Variants in KMT5B observed in about 807,000 individuals in gnomAD.
KMT5B encodes lysine methyltransferase 5B.
KMT5B carries 10 observed loss-of-function variants against 83.2 expected under a neutral mutation model. The ratio of observed to expected loss-of-function variants is 0.12; its 90% CI spans 0.07 to 0.20. KMT5B has a LOEUF of 0.20. Among genes scored for constraint, KMT5B ranks in the 10% least tolerant of loss-of-function variants. The pLI is 1.00. For missense variants in KMT5B, 753 were observed against 1,067.2 expected, an observed-to-expected ratio of 0.71 and a Z score of 4.10; for synonymous variants, 349 against 388.8, an observed-to-expected ratio of 0.90 and a Z score of 1.20.
At chr11:68,211,260 T>C (rs1322831157) in intron 1 of KMT5B, among the ~76,000 whole-genome samples, 1 of 152,142 alleles carries the variant, frequency 6.6e-6, no homozygotes, top group Admixed American at 6.5e-5. Context: ...CACCTCCACC[T>C]TCCCCACTAC....
chr11:68,182,989 G>C (rs1464008591), intron 3 of KMT5B, among the ~76,000 whole-genome samples: 1 of 149,984 alleles, frequency 6.7e-6, no homozygotes, highest in Non-Finnish European at 1.5e-5. Flanking sequence ...GCCCACCTCA[G>C]CCTCCCAAAG....
rs1451605200 is a variant in KMT5B, at chr11:68,160,771, ACCCTG to A, written c.1175-1605_1175-1601del. Among the ~76,000 whole-genome samples the A allele has an allele frequency of 2.9e-4, 44 of 152,078 alleles. 1 individual carries two copies. Among genetic ancestry groups the A allele is most frequent in the Middle Eastern group, 3.2e-3 (1 of 316 alleles). On this transcript the variant is annotated intron_variant, in intron 10 of 10. Transcript: ENST00000304363. Reference sequence around the variant, plus strand: ...AGACCAACCTGGCCAATATGGTGAAACCCTGTCTCTACTAAAAATACAAAAATTAG... The same window carrying A: ...AGACCAACCTGGCCAATATGGTGAAATCTCTACTAAAAATACAAAAATTAG...
chr11:68,159,832 T>C (rs998957088), intron 10 of KMT5B, among the ~76,000 whole-genome samples: 5 of 152,242 alleles, frequency 3.3e-5, no homozygotes, highest in Non-Finnish European at 5.9e-5. Flanking sequence ...GCTGTCAACT[T>C]AGAAGAGCTG....
chr11:68,167,562 G>A (rs776958765), intron 9 of KMT5B, among the ~76,000 whole-genome samples: 3 of 150,568 alleles, frequency 2.0e-5, no homozygotes, highest in Non-Finnish European at 4.4e-5. Flanking sequence ...TCAAGAAGTC[G>A]TCCCACCTCA....
rs1368525252 is a variant in KMT5B, at chr11:68,156,102, C to T, written c.*1586G>A. Reference sequence around the variant, plus strand: ...ACAGTAAGCATTGAGATTTTCTCCACTGGACTTTTCATGACCTTCAGATTC... The same window carrying T: ...ACAGTAAGCATTGAGATTTTCTCCATTGGACTTTTCATGACCTTCAGATTC... On this transcript the variant is annotated 3_prime_UTR_variant, in exon 11 of 11. Transcript: ENST00000304363. The T allele has an allele frequency of 6.6e-6, 1 of 152,220 alleles. No individual in the cohort carries two copies. Among genetic ancestry groups the T allele is most frequent in the Non-Finnish European group, 1.5e-5 (1 of 68,042 alleles). The allele number at this position is 152,220 out of a possible 1,614,324, so 9.4% of individuals were successfully genotyped here. A position where few individuals can be genotyped will look rare whatever the true frequency, so the allele number is the denominator to read the frequency against.
chr11:68,173,407 A>G (rs1856037418), intron 6 of KMT5B, among the ~76,000 whole-genome samples: 1 of 152,170 alleles, frequency 6.6e-6, no homozygotes, highest in South Asian at 2.1e-4. Flanking sequence ...TGTATTTTTA[A>G]GCAACTAATG....
At chr11:68,203,523 A>G (rs1310949609) in intron 1 of KMT5B, among the ~76,000 whole-genome samples, 1 of 152,256 alleles carries the variant, frequency 6.6e-6, no homozygotes, top group Non-Finnish European at 1.5e-5. Context: ...TATGGTATCA[A>G]TCCCAGCGAT....
At chr11:68,212,691 G>A (rs1273294516) in intron 1 of KMT5B, 2 of 152,036 alleles carry the variant, frequency 1.3e-5, no homozygotes, top group African/African-American at 4.8e-5. Flanking sequence ...CGGGGAGGAG[G>A]GTGGGCTGCA....
chr11:68,170,380 G>T (rs925396022), intron 9 of KMT5B, among the ~76,000 whole-genome samples: 1 of 152,152 alleles, frequency 6.6e-6, no homozygotes, highest in Non-Finnish European at 1.5e-5. Flanking sequence ...TGTGTGGTCT[G>T]TACTGCCTTT....
At chr11:68,178,433 C>T (rs1174530569) in intron 4 of KMT5B, among the ~76,000 whole-genome samples, 1 of 152,180 alleles carries the variant, frequency 6.6e-6, no homozygotes, top group Admixed American at 6.5e-5. Context: ...CCTGTGTTGA[C>T]TTCTGTTTCT....
At chr11:68,183,021 C>T (rs1857094227) in intron 3 of KMT5B, among the ~76,000 whole-genome samples, 1 of 152,066 alleles carries the variant, frequency 6.6e-6, no homozygotes, top group South Asian at 2.1e-4. Context: ...CAGGCGTGAG[C>T]CACCGCACCT....
In KMT5B at chr11:68,190,003, T is replaced by C. The variant is rs374768394; in HGVS notation, c.74A>G (p.His25Arg). 1.9e-5 allele frequency: 31 copies of C among 1,614,090 alleles called. No homozygotes were observed. The highest frequency in any genetic ancestry group is 2.1e-5 in the Non-Finnish European group (25 of 1,180,026). ...RRNGGKLSND[H>R]QQNQSKLQHT... ...CTGTAATTTTGATTGATTCTGCTGA[T>C]GGTCATTAGACAACTTGCCTCCATT... Residue 25 changes from histidine to arginine, a missense_variant, in exon 2 of 11, where the codon CAT becomes CGT. By Grantham distance (29) the His-to-Arg change is conservative (BLOSUM62 0). Coordinates refer to ENST00000304363, the MANE Select transcript of KMT5B (RefSeq NM_017635.5).
intron 10 of KMT5B, among the ~76,000 whole-genome samples, chr11:68,164,244 A>G (rs1375795661): frequency 4.6e-5 from 7 of 152,220 alleles, no homozygotes; most frequent in African/African-American, 1.7e-4. Context: ...TTTTCTTCCA[A>G]CTACTCAGAA....
chr11:68,205,161 A>G (rs1232832578), intron 1 of KMT5B, among the ~76,000 whole-genome samples: 1 of 152,108 alleles, frequency 6.6e-6, no homozygotes. Flanking sequence ...AAAAAACAAA[A>G]AAAACAAGTA....
chr11:68,196,817 G>C (rs1459531765), intron 1 of KMT5B, among the ~76,000 whole-genome samples: 1 of 152,126 alleles, frequency 6.6e-6, no homozygotes, highest in Non-Finnish European at 1.5e-5. Flanking sequence ...TCTGTAGAAT[G>C]CCTGTGTTTA....
At position 68,156,587 on chromosome 11, in the gene KMT5B, A is replaced by C. The variant is rs1040693007; in HGVS notation, c.*1101T>G. The C allele has an allele frequency of 7.2e-5, 11 of 152,624 alleles. No individual in the cohort carries two copies. The highest frequency in any genetic ancestry group is 1.5e-5 in the Non-Finnish European group (1 of 68,034). 9.5% of individuals were successfully genotyped at this position (152,624 alleles called of 1,614,324 possible). A position where few individuals can be genotyped will look rare whatever the true frequency, so the allele number is the denominator to read the frequency against. ...TATTTTATTGGCATGAATATTTCTA[A>C]ACTTAAAAACCTTCCTGGTAAGTTC... On this transcript the variant is annotated 3_prime_UTR_variant, in exon 11 of 11. Transcript: ENST00000304363.
intron 3 of KMT5B, among the ~76,000 whole-genome samples, chr11:68,180,633 T>C (rs1207859706): frequency 6.6e-6 from 1 of 152,084 alleles, no homozygotes; most frequent in Non-Finnish European, 1.5e-5. Context: ...AAAGAGAAAC[T>C]CAGTGCCCTG....
Position 68,157,897 on chromosome 11 carries a change from C to T in KMT5B, c.2449G>A (p.Asp817Asn). Residue 817 changes from aspartate to asparagine, a missense_variant, in exon 11 of 11, where the codon GAC becomes AAC. Asp to Asn is a conservative substitution (Grantham distance 23). Transcript: ENST00000304363. ...SLLESRMEVDDYSQYEEESTD... is the reference protein window; with the variant it reads ...SLLESRMEVDNYSQYEEESTD... ...CTTTCTTCCTCATACTGACTATAGT[C>T]ATCCACCTCCATTCGAGACTCCAAG... 2 of 1,614,004 alleles carry T rather than the reference C, an allele frequency of 1.2e-6. No individual in the cohort carries two copies. Among genetic ancestry groups the T allele is most frequent in the Non-Finnish European group, 8.5e-7 (1 of 1,179,914 alleles).
intron 1 of KMT5B, among the ~76,000 whole-genome samples, chr11:68,203,895 T>G (rs921905094): frequency 1.3e-4 from 20 of 152,118 alleles, no homozygotes; most frequent in African/African-American, 4.6e-4. Context: ...TCTAGAACCA[T>G]CAACTCCATA....
Sources: allele counts gnomAD v4.1 joint callset (sites outside exome capture counted in the v4.1 genomes callset), GRCh38; gene constraint gnomAD v4.1.1; transcripts MANE v1.5; gene names NCBI Gene and HGNC (gene_info 2026-07-23, HGNC 2026-07-21).